The following POLQ variants were observed in gnomAD, a reference collection of about 807,000 sequenced individuals.
The protein encoded by POLQ is epididymis secretory sperm binding protein.
A neutral mutation model predicts 259.2 loss-of-function variants in POLQ; 233 were observed. That is an observed-to-expected ratio of 0.90 (90% CI 0.81 to 1.00). The LOEUF (loss-of-function observed/expected upper bound fraction) is 1.00. Among genes scored for constraint, POLQ ranks in the 50% least tolerant of loss-of-function variants. POLQ has a pLI of 0.00. For missense variants in POLQ, 2,871 were observed against 3,051.6 expected (o/e 0.94, Z 1.39); for synonymous variants, 1,025 against 1,048.8 (o/e 0.98, Z 0.44).
chr3:121,518,545 C>T (rs965951778), intron 9 of POLQ, among the ~76,000 whole-genome samples: 1 of 152,158 alleles, frequency 6.6e-6, no homozygotes, highest in Non-Finnish European at 1.5e-5. Flanking sequence ...TGAATAAATT[C>T]TGTTAAGGTG....
intron 2 of POLQ, among the ~76,000 whole-genome samples, chr3:121,542,224 A>G (rs2048495517): frequency 6.6e-6 from 1 of 152,066 alleles, no homozygotes; most frequent in Admixed American, 6.5e-5. Flanking sequence ...AAGGTAAGGA[A>G]GAAAGCAAGA....
intron 26 of POLQ, among the ~76,000 whole-genome samples, chr3:121,446,081 A>G (rs2047630343): frequency 6.6e-6 from 1 of 151,966 alleles, no homozygotes; most frequent in African/African-American, 2.4e-5. Context: ...ACTTATAGCT[A>G]TAAACTTCCT....
chr3:121,522,499 G>C (rs2048344870), intron 7 of POLQ, among the ~76,000 whole-genome samples: 1 of 149,638 alleles, frequency 6.7e-6, no homozygotes, highest in Non-Finnish European at 1.5e-5. Context: ...TTTTAGTAGA[G>C]ACGGGGTTTC....
chr3:121,449,806 C>T (rs1021999545), intron 25 of POLQ, among the ~76,000 whole-genome samples: 1 of 152,158 alleles, frequency 6.6e-6, no homozygotes, highest in African/African-American at 2.4e-5. Flanking sequence ...TTACCAACAT[C>T]CCTCTTCTTG....
At chr3:121,467,389 G>A (rs1576407331) in intron 24 of POLQ, 130 bp downstream of exon 24, 1 of 823,398 alleles carries the variant, frequency 1.2e-6, no homozygotes, top group East Asian at 2.6e-5. Context: ...AGAAAGGCAG[G>A]CTCCACCGTA....
Position 121,488,790 on chromosome 3 carries a change from G to T in POLQ, c.4141C>A (p.Pro1381Thr), listed in dbSNP as rs3218642. ...TGATCTATCTTAGTCGCTCCTAGAG[G>T]GTGCTGTTCAGCAGGAAAAGGAATG... is the stretch of plus-strand genomic sequence containing the variant. ...CHIPFPAEQH[P>T]LGATKIDHLD... Residue 1381 changes from proline (P) to threonine (T), a missense_variant, in exon 16 of 30, where the codon CCT becomes ACT. Physicochemically the swap from Pro to Thr is conservative, Grantham distance 38 (BLOSUM62 -1). This residue lies in a region of POLQ where 2,080 missense variants were observed against 2,126.0 expected (regional missense o/e 0.98). Coordinates refer to ENST00000264233, the MANE Select transcript of POLQ (RefSeq NM_199420.4). 39,757 of 1,613,704 alleles carry T rather than the reference G, an allele frequency of 0.025. 576 individuals carry two copies. Among genetic ancestry groups the T allele is most frequent in the Middle Eastern group, 0.054 (327 of 6,060 alleles).
intron 3 of POLQ, among the ~76,000 whole-genome samples, chr3:121,540,651 A>G (rs1009467309): frequency 1.3e-5 from 2 of 152,160 alleles, no homozygotes; most frequent in South Asian, 2.1e-4. Context: ...ATAGTCCTCA[A>G]TTAGGGCAGG....
At chr3:121,459,369 A>ATTTTTTTTTTTTTTTTTTTTTTTTTTTT (rs58859161) in intron 25 of POLQ, among the ~76,000 whole-genome samples, 6 of 104,736 alleles carry the variant, frequency 5.7e-5, no homozygotes, top group Admixed American at 1.3e-4. Context: ...GACTAGAAAG[A>ATTTTTTTTTTTTTTTTTTTTTTTTTTTT]TTTTTTTTTT....
intron 7 of POLQ, among the ~76,000 whole-genome samples, chr3:121,523,843 A>G (rs2048354798): frequency 6.6e-6 from 1 of 152,224 alleles, no homozygotes; most frequent in Admixed American, 6.5e-5. Context: ...ACATTTTTAA[A>G]TTTTTAGGTA....
At chr3:121,496,368 G>T (rs1352655211) in intron 14 of POLQ, among the ~76,000 whole-genome samples, 2 of 151,818 alleles carry the variant, frequency 1.3e-5, no homozygotes, top group Non-Finnish European at 2.9e-5. Context: ...GTAGAGATGG[G>T]GTTTCACCAT....
intron 19 of POLQ, among the ~76,000 whole-genome samples, chr3:121,478,153 G>A (rs2047941792): frequency 6.6e-6 from 1 of 151,926 alleles, no homozygotes; most frequent in African/African-American, 2.4e-5. Context: ...ACAGGATGAG[G>A]AGCAGAGTCT....
chr3:121,489,880 C>T lies in POLQ; in HGVS notation c.3051G>A (p.Gln1017=). 1 of 1,604,696 alleles carries T rather than the reference C, an allele frequency of 6.2e-7. No individual in the cohort carries two copies. Among genetic ancestry groups the T allele is most frequent in the Non-Finnish European group, 8.5e-7 (1 of 1,177,846 alleles). ...EGKTSDKKVV[Q]TFSQKTKKAP... ...CCTTTTTTGTTTTCTGTGAAAAAGT[C>T]TGAACAACTTTCTTATCACTTGTTT... Residue 1017 remains glutamine, a synonymous_variant, in exon 16 of 30, where the codon CAG becomes CAA. Coordinates refer to ENST00000264233, the MANE Select transcript of POLQ (RefSeq NM_199420.4).
Position 121,488,072 on chromosome 3 carries a change from A to G in POLQ, c.4859T>C (p.Leu1620Ser), listed in dbSNP as rs371305476. ...TGAATGATTTTGCCTGGTCCCAGTT[A>G]ATTTTGATTTTTCAGCCCTTTCATC... ...DQDERAEKSK[L>S]TGTRQNHSFI... Residue 1620 changes from leucine (L) to serine (S), a missense_variant, in exon 16 of 30, where the codon TTA becomes TCA. Coordinates refer to ENST00000264233, the MANE Select transcript of POLQ (RefSeq NM_199420.4). 5 of 1,613,864 alleles carry G rather than the reference A, an allele frequency of 3.1e-6. No individual in the cohort carries two copies. In the African/African-American group the frequency reaches 5.3e-5, roughly 17 times the overall value.
At chr3:121,446,203 G>A (rs1458716682) in intron 26 of POLQ, among the ~76,000 whole-genome samples, 1 of 151,746 alleles carries the variant, frequency 6.6e-6, no homozygotes, top group Non-Finnish European at 1.5e-5. Context: ...TGACTCACTG[G>A]TCACTCAAGA....
At chr3:121,437,083 T>C (rs548406860) in intron 27 of POLQ, among the ~76,000 whole-genome samples, 1 of 152,212 alleles carries the variant, frequency 6.6e-6, no homozygotes, top group African/African-American at 2.4e-5. Context: ...ATCTGAGCTA[T>C]ACCCAACTTC....
At chr3:121,482,999 C>G (rs1188352079) in intron 18 of POLQ, among the ~76,000 whole-genome samples, 1 of 152,150 alleles carries the variant, frequency 6.6e-6, no homozygotes, top group Non-Finnish European at 1.5e-5. Context: ...TCATCTTATT[C>G]ACACTCTTTT....
intron 5 of POLQ, among the ~76,000 whole-genome samples, chr3:121,535,651 G>C (rs571252538): frequency 1.5e-3 from 232 of 151,024 alleles, no homozygotes; most frequent in Non-Finnish European, 2.5e-3. Context: ...GGGAGATGGA[G>C]GTTGCAGTGA....
intron 15 of POLQ, among the ~76,000 whole-genome samples, chr3:121,490,963 G>A (rs554780871): frequency 6.6e-6 from 1 of 152,170 alleles, no homozygotes; most frequent in Admixed American, 6.5e-5. Flanking sequence ...GCTGAGGCAT[G>A]AGAATCACTC....
At chr3:121,467,672 T>A (rs41551012) in intron 23 of POLQ, 32 bp from the exon 24 acceptor site, 2 of 1,606,502 alleles carry the variant, frequency 1.2e-6, no homozygotes, top group South Asian at 2.2e-5. Context: ...CAGTTAGACA[T>A]GAAGCAGTCT....
Sources: gnomAD v4.1 joint callset for allele counts (sites outside exome capture counted in the v4.1 genomes callset) on GRCh38, gnomAD v4.1.1 for gene constraint, gnomAD v4.1.1 regional missense constraint, MANE v1.5 for transcripts, NCBI Gene and HGNC (gene_info 2026-07-23, HGNC 2026-07-21) for gene names.